The following TFDP2 variants were observed in gnomAD, a reference collection of about 807,000 sequenced individuals.
TFDP2 encodes the protein transcription factor Dp-2.
Under a neutral mutation model 59.3 loss-of-function variants are expected in TFDP2, and 17 were observed. The observed-to-expected ratio is 0.29, with a 90% confidence interval of 0.20 to 0.43. TFDP2 has a LOEUF of 0.43. TFDP2 is among the 20% of genes least tolerant of loss of function. The pLI, the probability that TFDP2 is intolerant of heterozygous loss-of-function variation, is 1.00. For synonymous variants in TFDP2, 180 were observed against 194.7 expected, an observed-to-expected ratio of 0.92 and a Z score of 0.63; for missense variants, 391 against 528.8, an observed-to-expected ratio of 0.74 and a Z score of 2.56.
intron 3 of TFDP2, among the ~76,000 whole-genome samples, chr3:142,078,636 C>A (rs1456846048): frequency 6.6e-6 from 1 of 152,128 alleles, no homozygotes; most frequent in African/African-American, 2.4e-5. Context: ...ATCACAACAC[C>A]CAAGTCCCTT....
intron 1 of TFDP2, among the ~76,000 whole-genome samples, chr3:142,115,319 T>C (rs574861274): frequency 9.1e-4 from 115 of 125,818 alleles, no homozygotes; most frequent in African/African-American, 1.9e-3. Flanking sequence ...CATTTTCTTT[T>C]TTTTTTTTTT....
chr3:141,995,300 A>C (rs1247675042), intron 4 of TFDP2, 159 bp from the exon 5 acceptor site: 1 of 479,098 alleles, frequency 2.1e-6, no homozygotes, highest in Non-Finnish European at 3.5e-6. Context: ...CCTTTGATTT[A>C]CTTATATCCT....
intron 1 of TFDP2, among the ~76,000 whole-genome samples, chr3:142,142,722 C>G (rs1383228334): frequency 6.6e-6 from 1 of 152,102 alleles, no homozygotes; most frequent in Non-Finnish European, 1.5e-5. Flanking sequence ...GCTATAGTAA[C>G]CAAAACAGCA....
chr3:142,086,622 C>A (rs2060818037), intron 3 of TFDP2, among the ~76,000 whole-genome samples: 1 of 152,230 alleles, frequency 6.6e-6, no homozygotes, highest in Admixed American at 6.5e-5. Flanking sequence ...TCAGAAGCTT[C>A]TGTCCCCAGA....
intron 3 of TFDP2, among the ~76,000 whole-genome samples, chr3:142,072,731 AT>A (rs1221755173): frequency 6.6e-6 from 1 of 152,258 alleles, no homozygotes; most frequent in Non-Finnish European, 1.5e-5. Context: ...GAGCAAGAAA[AT>A]AAAAGTAGTA....
chr3:141,954,655 A>G (rs1244141217), intron 11 of TFDP2, among the ~76,000 whole-genome samples: 2 of 152,062 alleles, frequency 1.3e-5, no homozygotes, highest in African/African-American at 4.8e-5. Flanking sequence ...AAAAAACAAA[A>G]AAGTTACTGA....
At chr3:142,028,294 A>G (rs1169137119) in intron 3 of TFDP2, among the ~76,000 whole-genome samples, 1 of 152,180 alleles carries the variant, frequency 6.6e-6, no homozygotes, top group Non-Finnish European at 1.5e-5. Context: ...TGATTTCCTC[A>G]ACTGCTGCTT....
At chr3:142,047,928 G>A (rs371449390) in intron 3 of TFDP2, among the ~76,000 whole-genome samples, 1 of 151,762 alleles carries the variant, frequency 6.6e-6, no homozygotes, top group African/African-American at 2.4e-5. Context: ...TTTTAGTAGA[G>A]ACGCGGTCTC....
rs11569274 is a variant in TFDP2 at position 141,959,423 on chromosome 3, T to C, written c.1051+251A>G. 9.9e-4 allele frequency among the ~76,000 whole-genome samples: 151 copies of C among 152,298 alleles called. 1 individual carries two copies. Among genetic ancestry groups the C allele is most frequent in the African/African-American group, 3.5e-3 (144 of 41,568 alleles). On this transcript the variant is annotated intron_variant, in intron 11 of 12. Transcript: ENST00000489671. ...TACAAGATCTCTCTGAAGAGCCAAA[T>C]TCAGTGCTGAGTGAGCCAATTTAGA...
Position 142,104,041 on chromosome 3 carries a change from C to G in TFDP2, c.-92-2200G>C, listed in dbSNP as rs144443434. On this transcript the variant is annotated intron_variant, in intron 1 of 12. Coordinates refer to ENST00000489671, the MANE Select transcript of TFDP2 (RefSeq NM_001178139.2). Reference sequence around the variant, plus strand: ...TTAGCTATTTGTCCTGATGCTCCCCCCTCCTTTCTTTTGCTTTTCAATAAA... The same window carrying G: ...TTAGCTATTTGTCCTGATGCTCCCCGCTCCTTTCTTTTGCTTTTCAATAAA... Among the ~76,000 whole-genome samples, 409 of 152,098 alleles carry G rather than the reference C, an allele frequency of 2.7e-3. 6 individuals carry two copies. Among genetic ancestry groups the G allele is most frequent in the East Asian group, 0.023 (121 of 5,172 alleles).
Position 141,995,161 on chromosome 3 carries a change from GAATAT to G in TFDP2, c.187-25_187-21del, listed in dbSNP as rs1320021147. 1 of 1,544,808 alleles carries G rather than the reference GAATAT, an allele frequency of 6.5e-7. No individual in the cohort carries two copies. The highest frequency in any genetic ancestry group is 1.3e-5 in the South Asian group (1 of 76,028). ...TATAATCTGTAAAGTTAGGAACAAA[GAATAT>G]AATATTCTTAATTATTAAGAAAAGC... On this transcript the variant is annotated intron_variant, in intron 4 of 12. Transcript: ENST00000489671.
chr3:142,087,342 T>A (rs1167018559), intron 3 of TFDP2, among the ~76,000 whole-genome samples: 2 of 152,140 alleles, frequency 1.3e-5, no homozygotes, highest in African/African-American at 4.8e-5. Context: ...CTGTAACACA[T>A]GGTAAGTATT....
chr3:142,040,617 A>G (rs1395199235), intron 3 of TFDP2, among the ~76,000 whole-genome samples: 3 of 152,128 alleles, frequency 2.0e-5, no homozygotes, highest in Admixed American at 6.5e-5. Flanking sequence ...TTTAGTAGAG[A>G]CAGGGTTTCT....
At chr3:141,959,253 G>A (rs1937066870) in intron 11 of TFDP2, among the ~76,000 whole-genome samples, 1 of 151,982 alleles carries the variant, frequency 6.6e-6, no homozygotes, top group Non-Finnish European at 1.5e-5. Flanking sequence ...GCAGCGCCCG[G>A]CCAGGATGTA....
intron 9 of TFDP2, among the ~76,000 whole-genome samples, chr3:141,968,396 T>C (rs1329323035): frequency 9.1e-6 from 1 of 109,586 alleles, no homozygotes; most frequent in African/African-American, 3.4e-5. Context: ...ATATATAACA[T>C]ATATATCATA....
In TFDP2 at chr3:141,968,424, T is replaced by TATATAA. The variant is rs1559937363; in HGVS notation, c.732+1648_732+1649insTTATAT. On this transcript the variant is annotated intron_variant, in intron 9 of 12. Transcript: ENST00000489671. ...ATATCATATATATAACATATATATCTCATATATAGATATATATAACATATA... is the reference window on the plus strand; with the variant it reads ...ATATCATATATATAACATATATATCTATATAACATATATAGATATATATAACATATA... Among the ~76,000 whole-genome samples, 704 of 84,740 alleles carry TATATAA rather than the reference T, an allele frequency of 8.3e-3. 25 individuals are homozygous for TATATAA. Among genetic ancestry groups the TATATAA allele is most frequent in the Non-Finnish European group, 0.013 (586 of 45,414 alleles). 55.6% of individuals were successfully genotyped at this position (84,740 alleles called of 152,430 possible). A position where few individuals can be genotyped will look rare whatever the true frequency, so the allele number is the denominator to read the frequency against.
chr3:142,098,016 C>G (rs781697422), intron 2 of TFDP2, among the ~76,000 whole-genome samples: 5 of 152,154 alleles, frequency 3.3e-5, no homozygotes, highest in Admixed American at 6.5e-5. Context: ...TGGTCTCGAA[C>G]TCCTGACCTC....
chr3:141,997,619 G>A (rs1021474134), intron 4 of TFDP2, among the ~76,000 whole-genome samples: 2 of 152,006 alleles, frequency 1.3e-5, no homozygotes, highest in Admixed American at 1.3e-4. Flanking sequence ...AGAGGCAAAG[G>A]CAGGCGGATC....
intron 1 of TFDP2, among the ~76,000 whole-genome samples, chr3:142,124,599 G>T (rs1308144998): frequency 6.6e-6 from 1 of 152,022 alleles, no homozygotes; most frequent in East Asian, 1.9e-4. Flanking sequence ...TAATTTTTTT[G>T]GTAAGAGAAG....
Sources: gnomAD v4.1 joint callset for allele counts (sites outside exome capture counted in the v4.1 genomes callset) on GRCh38, gnomAD v4.1.1 for gene constraint, MANE v1.5 for transcripts, NCBI Gene and HGNC (gene_info 2026-07-23, HGNC 2026-07-21) for gene names.